Variants in AHCYL2 observed in about 807,000 individuals in gnomAD.
The protein encoded by AHCYL2 is S-adenosylhomocysteine hydrolase-like protein 2.
A neutral mutation model predicts 81.4 loss-of-function variants in AHCYL2; 28 were observed. The ratio of observed to expected loss-of-function variants is 0.34; its 90% confidence interval spans 0.25 to 0.47. The LOEUF (loss-of-function observed/expected upper bound fraction) is 0.47, where lower values mean the gene tolerates loss of function less well. Among genes scored for constraint, AHCYL2 ranks in the 20% least tolerant of loss-of-function variants. AHCYL2 has a pLI of 1.00. For synonymous variants in AHCYL2, 272 were observed against 290.2 expected (o/e 0.94, Z 0.64); for missense variants, 551 against 785.1 (o/e 0.70, Z 3.56).
intron 1 of AHCYL2, among the ~76,000 whole-genome samples, chr7:129,238,099 G>A (rs1180184412): frequency 6.6e-6 from 1 of 152,138 alleles, no homozygotes; most frequent in Non-Finnish European, 1.5e-5. Flanking sequence ...TCCCGGGTTA[G>A]GTAGGTGTGG....
intron 1 of AHCYL2, among the ~76,000 whole-genome samples, chr7:129,254,850 G>T (rs917465958): frequency 1.3e-5 from 2 of 152,208 alleles, no homozygotes; most frequent in African/African-American, 4.8e-5. Flanking sequence ...GCGTTCTGAG[G>T]TTTGAGAAAA....
intron 1 of AHCYL2, among the ~76,000 whole-genome samples, chr7:129,232,218 C>G (rs889268699): frequency 6.6e-6 from 1 of 152,174 alleles, no homozygotes; most frequent in South Asian, 2.1e-4. Flanking sequence ...TAATTGCTAC[C>G]ATTTACTGAA....
intron 1 of AHCYL2, among the ~76,000 whole-genome samples, chr7:129,363,613 T>C (rs1794006480): frequency 6.6e-6 from 1 of 152,166 alleles, no homozygotes; most frequent in South Asian, 2.1e-4. Flanking sequence ...GGCTGCTCAC[T>C]GCAACCTCTG....
chr7:129,388,841 C>T (rs1405282352), intron 2 of AHCYL2: 1 of 476,954 alleles, frequency 2.1e-6, no homozygotes, highest in African/African-American at 2.0e-5. Flanking sequence ...TAAAGTTAGC[C>T]CTACATTTCA....
chr7:129,265,879 GCGGTGA>G (rs1795795937), intron 1 of AHCYL2, among the ~76,000 whole-genome samples: 1 of 152,300 alleles, frequency 6.6e-6, no homozygotes, highest in African/African-American at 2.4e-5. Flanking sequence ...GCAGATAATA[GCGGTGA>G]CGATGAGAGA....
chr7:129,403,931 T>TG (rs1796170489), intron 7 of AHCYL2, among the ~76,000 whole-genome samples: 1 of 146,242 alleles, frequency 6.8e-6, no homozygotes, highest in Non-Finnish European at 1.5e-5. Flanking sequence ...CAGCTTGCTA[T>TG]GAGGTGACCA....
intron 1 of AHCYL2, among the ~76,000 whole-genome samples, chr7:129,270,630 A>C (rs1214164394): frequency 1.3e-5 from 2 of 152,272 alleles, no homozygotes; most frequent in African/African-American, 4.8e-5. Flanking sequence ...TGTTAAGTAC[A>C]TAAGCTAAAG....
At chr7:129,311,606 T>C (rs10232890) in intron 1 of AHCYL2, among the ~76,000 whole-genome samples, 1 of 143,844 alleles carries the variant, frequency 7.0e-6, no homozygotes, top group African/African-American at 2.6e-5. Flanking sequence ...GGGCAGAAAG[T>C]CCTATTGTCA....
chr7:129,422,945 C>T lies in AHCYL2; in HGVS notation c.1560+7C>T, dbSNP rs1797183896. ...GATAGTACTGCTGGCAGAGGTAAGG[C>T]TGAGACTGGCAAAAATACTCCCCCA... On this transcript the variant is annotated splice_region_variant and intron_variant, in intron 13 of 16. Transcript: ENST00000325006. 3.1e-6 allele frequency: 5 copies of T among 1,613,490 alleles called. No individual in the cohort carries two copies. Among genetic ancestry groups the T allele is most frequent in the Non-Finnish European group, 3.4e-6 (4 of 1,179,598 alleles).
At chr7:129,286,728 T>C (rs1796643759) in intron 1 of AHCYL2, among the ~76,000 whole-genome samples, 1 of 152,194 alleles carries the variant, frequency 6.6e-6, no homozygotes, top group Non-Finnish European at 1.5e-5. Context: ...CCCAGAGTGC[T>C]GGGATTACAG....
intron 8 of AHCYL2, 95 bp downstream of exon 8, chr7:129,405,308 C>G (rs891956931): frequency 1.4e-6 from 1 of 737,034 alleles, no homozygotes; most frequent in Non-Finnish European, 2.1e-6. Context: ...TCATGTAGCA[C>G]CTCTGGATAA....
chr7:129,300,121 C>G (rs1797207363), intron 1 of AHCYL2, among the ~76,000 whole-genome samples: 1 of 152,128 alleles, frequency 6.6e-6, no homozygotes, highest in Non-Finnish European at 1.5e-5. Context: ...TATCTATCAA[C>G]TCAACCATTT....
chr7:129,291,132 G>GT (rs1796835897), intron 1 of AHCYL2, among the ~76,000 whole-genome samples: 1 of 151,784 alleles, frequency 6.6e-6, no homozygotes, highest in African/African-American at 2.4e-5. Flanking sequence ...CTCCCCTCAG[G>GT]TTCTTTTCTC....
chr7:129,385,200 G>A (rs1795146967), intron 2 of AHCYL2, among the ~76,000 whole-genome samples: 1 of 152,180 alleles, frequency 6.6e-6, no homozygotes, highest in South Asian at 2.1e-4. Flanking sequence ...GTTTGTATTT[G>A]GGATGCTAGC....
Position 129,427,049 on chromosome 7 carries a change from C to T in AHCYL2, c.*4C>T, listed in dbSNP as rs755046769. On this transcript the variant is annotated 3_prime_UTR_variant, in exon 17 of 17. Transcript: ENST00000325006. This position sits in a 1 kb window ranked among gnomAD's most constrained non-coding sequence, Gnocchi z 5.5. ...TCTTTTTCCCTCCAGGTATTAAGTTCCTGTAACTCAAACCAGAATTTTTAA... is the reference window on the plus strand; with the variant it reads ...TCTTTTTCCCTCCAGGTATTAAGTTTCTGTAACTCAAACCAGAATTTTTAA... 1.9e-6 allele frequency: 3 copies of T among 1,609,800 alleles called. No individual in the cohort carries two copies. Among genetic ancestry groups the T allele is most frequent in the Middle Eastern group, 1.7e-4 (1 of 6,052 alleles).
intron 1 of AHCYL2, among the ~76,000 whole-genome samples, chr7:129,327,283 A>G (rs1174369372): frequency 2.0e-5 from 3 of 152,138 alleles, no homozygotes; most frequent in Non-Finnish European, 4.4e-5. Flanking sequence ...ATACAGCAAA[A>G]CAATGGCTAG....
At chr7:129,358,401 C>CACA (rs1554486395) in intron 1 of AHCYL2, among the ~76,000 whole-genome samples, 5 of 138,462 alleles carry the variant, frequency 3.6e-5, no homozygotes, top group Non-Finnish European at 7.9e-5. Flanking sequence ...CACACACACA[C>CACA]AAAAAAAAAA....
chr7:129,229,731 G>GA (rs757656911), intron 1 of AHCYL2, among the ~76,000 whole-genome samples: 33 of 152,230 alleles, frequency 2.2e-4, no homozygotes, highest in Non-Finnish European at 4.0e-4. Context: ...GAGGATGGGA[G>GA]AAAATTGTAC....
intron 1 of AHCYL2, among the ~76,000 whole-genome samples, chr7:129,349,583 C>T (rs563926164): frequency 3.8e-5 from 5 of 132,058 alleles, no homozygotes; most frequent in East Asian, 4.7e-4. Flanking sequence ...ACCCGGGAAG[C>T]GGAGGTTGTA....
Sources: gnomAD v4.1 joint callset for allele counts (sites outside exome capture counted in the v4.1 genomes callset) on GRCh38, gnomAD v4.1.1 for gene constraint, Gnocchi (gnomAD v3.1) non-coding constraint, MANE v1.5 for transcripts, NCBI Gene and HGNC (gene_info 2026-07-23, HGNC 2026-07-21) for gene names.